The following TECRL variants were observed in gnomAD, a reference collection of about 807,000 sequenced individuals.
TECRL encodes trans-2,3-enoyl-CoA reductase-like.
A neutral mutation model predicts 52.8 loss-of-function variants in TECRL; 63 were observed. The ratio of observed to expected loss-of-function variants is 1.19; its 90% confidence interval spans 0.97 to 1.47. The LOEUF is 1.47. TECRL is among the 40% of genes most tolerant of loss of function. The pLI, the probability that TECRL is intolerant of heterozygous loss-of-function variation, is 0.00. For missense variants in TECRL, 482 were observed against 429.6 expected (o/e 1.12, Z -1.08); for synonymous variants, 164 against 141.9 (o/e 1.16, Z -1.10).
At chr4:64,342,609 T>C (rs1469490475) in intron 2 of TECRL, among the ~76,000 whole-genome samples, 1 of 152,162 alleles carries the variant, frequency 6.6e-6, no homozygotes, top group Admixed American at 6.5e-5. Context: ...TTATACTCTG[T>C]TGTTGTTTTA....
At chr4:64,317,922 A>C (rs1451650438) in intron 4 of TECRL, among the ~76,000 whole-genome samples, 1 of 152,132 alleles carries the variant, frequency 6.6e-6, no homozygotes, top group Non-Finnish European at 1.5e-5. Context: ...GGGGCCTGGG[A>C]ATAAAAAAAC....
chr4:64,358,043 T>G (rs1202103641), intron 2 of TECRL, among the ~76,000 whole-genome samples: 2 of 151,662 alleles, frequency 1.3e-5, no homozygotes, highest in African/African-American at 2.4e-5. Flanking sequence ...AAGTCTCTTT[T>G]CTGCTCACCA....
intron 2 of TECRL, among the ~76,000 whole-genome samples, chr4:64,349,114 T>C (rs1426118701): frequency 6.9e-6 from 1 of 144,658 alleles, no homozygotes; most frequent in East Asian, 2.1e-4. Context: ...TAATAAAATG[T>C]GAAAATAATT....
intron 2 of TECRL, among the ~76,000 whole-genome samples, chr4:64,338,850 T>C (rs899809228): frequency 7.9e-5 from 12 of 152,148 alleles, no homozygotes; most frequent in African/African-American, 2.9e-4. Context: ...GTAAACTAGT[T>C]CAACCATTGT....
At chr4:64,304,329 A>T (rs573254750) in intron 7 of TECRL, among the ~76,000 whole-genome samples, 1 of 151,960 alleles carries the variant, frequency 6.6e-6, no homozygotes, top group South Asian at 2.1e-4. Flanking sequence ...AAAATCAATG[A>T]CTCTTCACTT....
At chr4:64,305,642 G>A (rs1048111983) in intron 6 of TECRL, among the ~76,000 whole-genome samples, 18 of 152,242 alleles carry the variant, frequency 1.2e-4, no homozygotes, top group African/African-American at 4.3e-4. Flanking sequence ...AAGGACTGAG[G>A]ATGTCCTAAA....
Position 64,292,589 on chromosome 4 carries a change from C to A in TECRL, c.775-2822G>T, listed in dbSNP as rs1723452041. ...AATTAAGAATATTAAATGACTTAAT[C>A]ATTCACAATTAAAAATTTTTAATAA... On this transcript the variant is annotated intron_variant, in intron 8 of 11. Transcript: ENST00000381210. Among the ~76,000 whole-genome samples, 4 of 152,044 alleles carry A rather than the reference C, an allele frequency of 2.6e-5. No individual in the cohort carries two copies. In the South Asian group the frequency reaches 8.3e-4, roughly 32 times the overall value.
intron 2 of TECRL, among the ~76,000 whole-genome samples, chr4:64,362,615 CA>C (rs1321993370): frequency 7.0e-6 from 1 of 143,344 alleles, no homozygotes; most frequent in East Asian, 2.1e-4. Context: ...GCTTCATAAA[CA>C]AAAAATAAAA....
At chr4:64,355,217 T>A (rs1194504534) in intron 2 of TECRL, among the ~76,000 whole-genome samples, 4 of 152,094 alleles carry the variant, frequency 2.6e-5, no homozygotes, top group Non-Finnish European at 4.4e-5. Context: ...ATGACATGAA[T>A]CTCATAGTAG....
chr4:64,295,226 A>T (rs1473888306), intron 8 of TECRL, among the ~76,000 whole-genome samples: 2 of 151,504 alleles, frequency 1.3e-5, no homozygotes, highest in Admixed American at 1.3e-4. Flanking sequence ...TTCAAAATAA[A>T]TAATGGTAAG....
chr4:64,299,188 G>C (rs1723862613), intron 8 of TECRL: 1 of 151,192 alleles, frequency 6.6e-6, no homozygotes, highest in African/African-American at 2.4e-5. Flanking sequence ...TATGTAGAGA[G>C]AGAGGAAGCA....
chr4:64,396,419 T>C (rs1723958493), intron 1 of TECRL, among the ~76,000 whole-genome samples: 1 of 152,188 alleles, frequency 6.6e-6, no homozygotes, highest in Admixed American at 6.5e-5. Flanking sequence ...TCTCTAATGA[T>C]TAGTAATGTT....
Position 64,374,052 on chromosome 4 carries a change from C to CATATATATATATATAGTAGATACATATAT in TECRL, c.286+1119_286+1120insATATATGTATCTACTATATATATATATAT, listed in dbSNP as rs1560538656. ...TATATATATATGTATATAGTAGATACATATATATATATATATATATATATA... is the reference window on the plus strand; with the variant it reads ...TATATATATATGTATATAGTAGATACATATATATATATATAGTAGATACATATATATATATATATATATATATATATATA... On this transcript the variant is annotated intron_variant, in intron 2 of 11. Coordinates refer to ENST00000381210, the MANE Select transcript of TECRL (RefSeq NM_001010874.5). Among the ~76,000 whole-genome samples the CATATATATATATATAGTAGATACATATAT allele has an allele frequency of 4.0e-3, 426 of 105,864 alleles. 2 individuals are homozygous for CATATATATATATATAGTAGATACATATAT. Among genetic ancestry groups the CATATATATATATATAGTAGATACATATAT allele is most frequent in the Middle Eastern group, 0.012 (2 of 170 alleles). 69.5% of individuals were successfully genotyped at this position (105,864 alleles called of 152,430 possible).
intron 8 of TECRL, among the ~76,000 whole-genome samples, chr4:64,294,118 C>T (rs1336329415): frequency 6.6e-6 from 1 of 151,762 alleles, no homozygotes; most frequent in Non-Finnish European, 1.5e-5. Flanking sequence ...TCCCGAGTAA[C>T]TGGGATTACA....
chr4:64,288,712 G>T (rs1241652873), intron 9 of TECRL, among the ~76,000 whole-genome samples: 2 of 152,106 alleles, frequency 1.3e-5, no homozygotes, highest in Non-Finnish European at 2.9e-5. Flanking sequence ...GTGGTCTGCT[G>T]CCAGTCTGAT....
intron 3 of TECRL, among the ~76,000 whole-genome samples, chr4:64,324,956 A>G (rs973839444): frequency 3.9e-5 from 6 of 152,096 alleles, no homozygotes; most frequent in African/African-American, 1.5e-4. Flanking sequence ...TGATTAAATT[A>G]TATTGCATGG....
intron 2 of TECRL, among the ~76,000 whole-genome samples, chr4:64,338,544 G>T (rs1017415505): frequency 6.6e-6 from 1 of 152,002 alleles, no homozygotes; most frequent in African/African-American, 2.4e-5. Context: ...CTGACAAAGG[G>T]CTTATATCCA....
chr4:64,394,429 A>C (rs1167325107), intron 1 of TECRL, among the ~76,000 whole-genome samples: 1 of 152,156 alleles, frequency 6.6e-6, no homozygotes, highest in African/African-American at 2.4e-5. Context: ...GCGCCTCCAG[A>C]ATGTATTCAT....
At chr4:64,393,812 A>G (rs1723724958) in intron 1 of TECRL, among the ~76,000 whole-genome samples, 1 of 152,006 alleles carries the variant, frequency 6.6e-6, no homozygotes, top group Non-Finnish European at 1.5e-5. Context: ...TCAGAGTCCC[A>G]GTTACGATTA....
Sources: allele counts gnomAD v4.1 joint callset (sites outside exome capture counted in the v4.1 genomes callset), GRCh38; gene constraint gnomAD v4.1.1; transcripts MANE v1.5; gene names NCBI Gene and HGNC (gene_info 2026-07-23, HGNC 2026-07-21).